KIF9: variants seen among roughly 807,000 people sequenced by gnomAD.
KIF9 encodes kinesin-like protein KIF9.
Under a neutral mutation model 94.8 loss-of-function variants are expected in KIF9, and 68 were observed. The observed-to-expected ratio is 0.72, with a 90% CI of 0.59 to 0.88. The LOEUF is 0.88. KIF9 is among the 40% of genes least tolerant of loss of function. The pLI, the probability that KIF9 is intolerant of heterozygous loss-of-function variation, is 0.00. For missense variants in KIF9, 882 were observed against 982.5 expected, an observed-to-expected ratio of 0.90 and a Z score of 1.37; for synonymous variants, 343 against 362.1, an observed-to-expected ratio of 0.95 and a Z score of 0.60.
In KIF9 at chr3:47,275,471, T is replaced by C. The variant is rs757493469; in HGVS notation, c.113A>G (p.Lys38Arg). 1.9e-6 allele frequency: 3 copies of C among 1,608,928 alleles called. No individual in the cohort carries two copies. The highest frequency in any genetic ancestry group is 8.5e-7 in the Non-Finnish European group (1 of 1,178,306). ...DDKRSIDIHL[K>R]KDIRRGVVNN... ...GACAACTCCTCTCCGAATGTCTTTT[T>C]TTAAGTGAATATCAATGCTCTAGGA... Residue 38 changes from lysine (K) to arginine (R), a missense_variant, in exon 3 of 21, where the codon AAA becomes AGA. Physicochemically the swap from Lys to Arg is conservative, Grantham distance 26 (BLOSUM62 2). Transcript: ENST00000684063.
At chr3:47,261,694 T>A (rs1271812232) in intron 9 of KIF9, among the ~76,000 whole-genome samples, 20 of 152,184 alleles carry the variant, frequency 1.3e-4, no homozygotes, top group Admixed American at 1.3e-3. Context: ...CACTGACAGA[T>A]CTCACATCTT....
intron 1 of KIF9, among the ~76,000 whole-genome samples, chr3:47,279,174 A>C (rs1005209629): frequency 1.3e-5 from 2 of 149,726 alleles, no homozygotes; most frequent in Admixed American, 6.7e-5. Context: ...AAAAAAAAAA[A>C]AAAAAAAACT....
chr3:47,268,432 G>A lies in KIF9; in HGVS notation c.592-1169C>T, dbSNP rs536598080. Among the ~76,000 whole-genome samples the A allele has an allele frequency of 2.8e-4, 42 of 152,230 alleles. 1 individual carries two copies. The highest frequency in any genetic ancestry group is 4.4e-5 in the Non-Finnish European group (3 of 68,014). On this transcript the variant is annotated intron_variant, in intron 5 of 20. Transcript: ENST00000684063. ...GGAGAGGAGAGCACCCGCTGAAGAGGGAAGGCCTGAGGCTGTGGAGCAAGC... is the reference window on the plus strand; with the variant it reads ...GGAGAGGAGAGCACCCGCTGAAGAGAGAAGGCCTGAGGCTGTGGAGCAAGC...
At chr3:47,275,543 T>C (rs537449651) in intron 2 of KIF9, 53 bp from the exon 3 acceptor site, 233 of 1,442,112 alleles carry the variant, frequency 1.6e-4, no homozygotes, top group Non-Finnish European at 2.0e-4. Flanking sequence ...AAAATGGGTA[T>C]AAAAAAAATC....
chr3:47,252,682 C>T (rs1484669475), intron 10 of KIF9, among the ~76,000 whole-genome samples: 1 of 152,090 alleles, frequency 6.6e-6, no homozygotes, highest in Non-Finnish European at 1.5e-5. Context: ...TCACGGGTAG[C>T]AATGTTGATA....
At chr3:47,270,257 TC>T (rs1701559163) in intron 5 of KIF9, among the ~76,000 whole-genome samples, 1 of 151,080 alleles carries the variant, frequency 6.6e-6, no homozygotes, top group African/African-American at 2.4e-5. Context: ...CTTTTTCTTT[TC>T]TTTTTTTTTT....
At position 47,228,548 on chromosome 3, in the gene KIF9, C is replaced by G; in HGVS notation, c.*104G>C. On this transcript the variant is annotated 3_prime_UTR_variant, in exon 21 of 21. Transcript: ENST00000684063. ...ATGTGTTCTCTGTGCTGGGTCCCAG[C>G]ATTGGAGTAGAGGGGGCTGCAGCTC... is the stretch of plus-strand genomic sequence containing the variant. The G allele has an allele frequency of 2.1e-6, 2 of 940,096 alleles. No homozygotes were observed. Among genetic ancestry groups the G allele is most frequent in the Admixed American group, 3.5e-5 (2 of 57,298 alleles). The allele number at this position is 940,096 out of a possible 1,614,324, so 58.2% of individuals were successfully genotyped here.
intron 9 of KIF9, among the ~76,000 whole-genome samples, chr3:47,260,265 C>A (rs1054965610): frequency 1.4e-4 from 20 of 145,686 alleles, no homozygotes; most frequent in Non-Finnish European, 7.5e-5. Flanking sequence ...CTGACCCTCT[C>A]CCCACAATTG....
chr3:47,243,290 A>G, intron 15 of KIF9, 45 bp from the exon 16 acceptor site: 1 of 1,509,984 alleles, frequency 6.6e-7, no homozygotes, highest in Non-Finnish European at 9.0e-7. Context: ...ATGGACAGTG[A>G]GTTATCAGAT....
intron 11 of KIF9, 83 bp downstream of exon 11, chr3:47,247,935 T>A: frequency 1.9e-6 from 2 of 1,061,848 alleles, no homozygotes; most frequent in Non-Finnish European, 2.9e-6. Context: ...TGACCCATGA[T>A]GCTGTCTGCC....
chr3:47,243,610 A>T (rs1360974842), intron 15 of KIF9: 1 of 168,896 alleles, frequency 5.9e-6, no homozygotes, highest in African/African-American at 2.4e-5. Context: ...CTTCCCCGGG[A>T]AGGACTGGCA....
At chr3:47,276,977 T>G (rs1702015267) in intron 2 of KIF9, 3 of 215,894 alleles carry the variant, frequency 1.4e-5, no homozygotes, top group Non-Finnish European at 1.8e-5. Context: ...CAATGACAGA[T>G]CAATCATTAG....
At position 47,277,381 on chromosome 3, in the gene KIF9, T is replaced by C; in HGVS notation, c.-5-2A>G. The C allele has an allele frequency of 1.2e-6, 2 of 1,604,930 alleles. No homozygotes were observed. The highest frequency in any genetic ancestry group is 1.7e-6 in the Non-Finnish European group (2 of 1,172,254). On this transcript the variant is annotated splice_acceptor_variant, in intron 1 of 20. Coordinates refer to ENST00000684063, the MANE Select transcript of KIF9 (RefSeq NM_182902.4). LOFTEE classifies it low-confidence loss of function (5UTR_SPLICE). Reference sequence around the variant, plus strand: ...CTTTTTTCCTAGTACCCATTCTAGCTAAAAAGAAGGGAACAATGAAATTTT... The same window carrying C: ...CTTTTTTCCTAGTACCCATTCTAGCCAAAAAGAAGGGAACAATGAAATTTT...
At chr3:47,240,394 C>T (rs921751132) in intron 17 of KIF9, among the ~76,000 whole-genome samples, 1 of 152,178 alleles carries the variant, frequency 6.6e-6, no homozygotes, top group African/African-American at 2.4e-5. Context: ...ATAGTCCCTA[C>T]CAGCAGCCCC....
chr3:47,272,385 TAC>T (rs1175339513), intron 4 of KIF9, among the ~76,000 whole-genome samples: 6 of 152,316 alleles, frequency 3.9e-5, no homozygotes, highest in African/African-American at 9.6e-5. Flanking sequence ...TAATTTTAAT[TAC>T]AGTTAGATTT....
intron 11 of KIF9, among the ~76,000 whole-genome samples, 159 bp downstream of exon 11, chr3:47,247,859 T>C (rs564569925): frequency 2.0e-5 from 3 of 152,140 alleles, no homozygotes; most frequent in Admixed American, 6.5e-5. Context: ...CCTGTCCTCA[T>C]GGACCCTTGC....
chr3:47,230,278 T>G (rs1575899842), intron 20 of KIF9, among the ~76,000 whole-genome samples: 1 of 63,646 alleles, frequency 1.6e-5, no homozygotes, highest in African/African-American at 5.6e-5. Flanking sequence ...CAAGACCTTG[T>G]CAAAAAAAAA....
At chr3:47,251,546 AGAGT>A (rs1445289703) in intron 10 of KIF9, among the ~76,000 whole-genome samples, 2 of 152,246 alleles carry the variant, frequency 1.3e-5, no homozygotes, top group African/African-American at 2.4e-5. Flanking sequence ...CCTGGGCAAC[AGAGT>A]GAGACCCTGT....
At chr3:47,259,567 T>C (rs1700832622) in intron 9 of KIF9, among the ~76,000 whole-genome samples, 1 of 152,022 alleles carries the variant, frequency 6.6e-6, no homozygotes, top group Non-Finnish European at 1.5e-5. Flanking sequence ...AGATTGTTAC[T>C]GTGTCTGTGT....
Sources: gnomAD v4.1 joint callset for allele counts (sites outside exome capture counted in the v4.1 genomes callset) on GRCh38, gnomAD v4.1.1 for gene constraint, MANE v1.5 for transcripts, NCBI Gene and HGNC (gene_info 2026-07-23, HGNC 2026-07-21) for gene names.